Variants in UNC79 observed in about 807,000 individuals in gnomAD.
The protein encoded by UNC79 is protein unc-79 homolog.
In UNC79, 37 loss-of-function variants were observed where a neutral mutation model predicts 283.1. The observed-to-expected ratio is 0.13, with a 90% CI of 0.10 to 0.17. The LOEUF is 0.17. UNC79 is among the 10% of genes least tolerant of loss of function. UNC79 has a pLI of 1.00. For synonymous variants in UNC79, 1,107 were observed against 1,200.2 expected, an observed-to-expected ratio of 0.92 and a Z score of 1.61; for missense variants, 2,272 against 3,211.1, an observed-to-expected ratio of 0.71 and a Z score of 7.07.
At chr14:93,451,360 C>T (rs1002435029) in intron 1 of UNC79, among the ~76,000 whole-genome samples, 1 of 151,940 alleles carries the variant, frequency 6.6e-6, no homozygotes, top group Non-Finnish European at 1.5e-5. Flanking sequence ...GTCAGATTCA[C>T]AGAAGGAAGG....
intron 10 of UNC79, among the ~76,000 whole-genome samples, chr14:93,530,434 A>T (rs2060754174): frequency 1.4e-5 from 2 of 146,986 alleles, no homozygotes; most frequent in Non-Finnish European, 3.0e-5. Context: ...CAAACAAAAA[A>T]TTTAGGAGGG....
In UNC79 at chr14:93,364,159, A is replaced by G. The variant is rs539606989; in HGVS notation, c.-351+30636A>G. Reference sequence around the variant, plus strand: ...CAAGTTCTAAGTGTATGGCTGAATGAATTTCACAAAGTTAGTATACCCATG... The same window carrying G: ...CAAGTTCTAAGTGTATGGCTGAATGGATTTCACAAAGTTAGTATACCCATG... On this transcript the variant is annotated intron_variant, in intron 1 of 49. Coordinates refer to the UNC79 transcript ENST00000256339. 1.2e-4 allele frequency among the ~76,000 whole-genome samples: 19 copies of G among 152,290 alleles called. No individual in the cohort carries two copies. The East Asian group carries it at 3.5e-3, about 28-fold the overall frequency.
chr14:93,560,446 G>A (rs1473817924), intron 14 of UNC79, among the ~76,000 whole-genome samples: 1 of 152,224 alleles, frequency 6.6e-6, no homozygotes, highest in African/African-American at 2.4e-5. Context: ...GACTGATAAA[G>A]TTTGTGATAT....
At chr14:93,516,529 C>T (rs900379401) in intron 7 of UNC79, among the ~76,000 whole-genome samples, 5 of 151,676 alleles carry the variant, frequency 3.3e-5, no homozygotes, top group East Asian at 1.9e-4. Flanking sequence ...TCACTGCAAC[C>T]TCTGCCTCTC....
chr14:93,347,992 G>A (rs2053900681), intron 1 of UNC79: 2 of 1,278,126 alleles, frequency 1.6e-6, no homozygotes, highest in Non-Finnish European at 2.3e-6. Context: ...GGCCTAGGAA[G>A]CCATACTCAG....
intron 41 of UNC79, among the ~76,000 whole-genome samples, chr14:93,673,943 G>A (rs1007967322): frequency 6.6e-6 from 1 of 152,170 alleles, no homozygotes; most frequent in South Asian, 2.1e-4. Context: ...CCACAGTTGG[G>A]TGTAGGTACG....
chr14:93,700,210 C>T (rs1052347331), intron 47 of UNC79, among the ~76,000 whole-genome samples: 4 of 151,590 alleles, frequency 2.6e-5, no homozygotes, highest in Non-Finnish European at 5.9e-5. Context: ...TTGTCTTTGC[C>T]ACTATGGTTA....
chr14:93,663,367 G>A (rs1484540512), intron 40 of UNC79, among the ~76,000 whole-genome samples: 1 of 152,120 alleles, frequency 6.6e-6, no homozygotes, highest in African/African-American at 2.4e-5. Context: ...CAGAAGGCAG[G>A]GCAAAATGGG....
intron 14 of UNC79, among the ~76,000 whole-genome samples, chr14:93,559,803 G>T (rs983425828): frequency 2.0e-5 from 3 of 152,054 alleles, no homozygotes; most frequent in African/African-American, 7.2e-5. Context: ...AGGTCACAGG[G>T]GATACGATGG....
intron 11 of UNC79, among the ~76,000 whole-genome samples, chr14:93,537,297 G>A (rs150398848): frequency 8.1e-4 from 124 of 152,288 alleles, no homozygotes; most frequent in Admixed American, 2.1e-3. Flanking sequence ...CACTTTTCTC[G>A]TTCCCATCAC....
intron 7 of UNC79, among the ~76,000 whole-genome samples, chr14:93,523,350 G>C (rs991328497): frequency 6.6e-6 from 1 of 152,174 alleles, no homozygotes; most frequent in African/African-American, 2.4e-5. Context: ...ACGTGTAAGA[G>C]AGAGATGCAT....
chr14:93,666,592 A>G (rs892575797), intron 40 of UNC79, among the ~76,000 whole-genome samples: 4 of 152,202 alleles, frequency 2.6e-5, no homozygotes, highest in African/African-American at 9.6e-5. Flanking sequence ...AGCTAATAAT[A>G]TAGCCTCCAA....
intron 1 of UNC79, among the ~76,000 whole-genome samples, chr14:93,338,487 A>G (rs1169345112): frequency 1.3e-5 from 2 of 152,218 alleles, no homozygotes; most frequent in Admixed American, 1.3e-4. Flanking sequence ...ACAGTGGGGG[A>G]AAAAGACAAG....
chr14:93,575,547 CTGGGAGGAGTT>C (rs1181170658), intron 17 of UNC79, among the ~76,000 whole-genome samples: 1 of 151,926 alleles, frequency 6.6e-6, no homozygotes, highest in African/African-American at 2.4e-5. Context: ...GGTGAGGAGT[CTGGGAGGAGTT>C]TGGATGATTG....
intron 44 of UNC79, chr14:93,689,541 G>A (rs2074523362): frequency 6.8e-6 from 1 of 147,988 alleles, no homozygotes; most frequent in African/African-American, 2.5e-5. Context: ...CCAGGCTGGA[G>A]TGCAGTGGCA....
chr14:93,356,441 T>C (rs1425757558), intron 1 of UNC79, among the ~76,000 whole-genome samples: 1 of 152,240 alleles, frequency 6.6e-6, no homozygotes, highest in Non-Finnish European at 1.5e-5. Context: ...TACTCTGGGC[T>C]CCAATCTCTG....
chr14:93,605,047 A>C, intron 26 of UNC79, 86 bp downstream of exon 27: 3 of 1,417,398 alleles, frequency 2.1e-6, no homozygotes, highest in East Asian at 5.1e-5. Context: ...TAACTGGACC[A>C]GGGTGATATA....
chr14:93,618,101 G>A, intron 28 of UNC79, 91 bp from the exon 30 acceptor site: 1 of 1,376,368 alleles, frequency 7.3e-7, no homozygotes, highest in Non-Finnish European at 9.8e-7. Flanking sequence ...ATCCCCAAGA[G>A]ATACTGCAAA....
At chr14:93,615,980 C>T (rs905859886) in intron 27 of UNC79, among the ~76,000 whole-genome samples, 1 of 151,828 alleles carries the variant, frequency 6.6e-6, no homozygotes. Flanking sequence ...ATATATGCCA[C>T]CTTTTTAAAA....
Sources: allele counts gnomAD v4.1 joint callset (sites outside exome capture counted in the v4.1 genomes callset), GRCh38; gene constraint gnomAD v4.1.1; transcripts MANE v1.5; gene names NCBI Gene and HGNC (gene_info 2026-07-23, HGNC 2026-07-21).